Variants in PARD3B observed in about 807,000 individuals in gnomAD.
The protein encoded by PARD3B is partitioning defective 3 homolog B.
PARD3B carries 103 observed loss-of-function variants against 130.2 expected under a neutral mutation model. The observed-to-expected ratio is 0.79, with a 90% CI of 0.67 to 0.93. The LOEUF is 0.93. PARD3B is among the 40% of genes least tolerant of loss of function. The probability of loss-of-function intolerance (pLI) is 0.00; values close to 1 mark genes in which losing one functional copy is unlikely to be tolerated. For missense variants in PARD3B, 1,609 were observed against 1,499.2 expected, an observed-to-expected ratio of 1.07 and a Z score of -1.21; for synonymous variants, 583 against 553.2, an observed-to-expected ratio of 1.05 and a Z score of -0.76.
chr2:205,295,345 G>A (rs2041750597), intron 16 of PARD3B, among the ~76,000 whole-genome samples: 1 of 152,140 alleles, frequency 6.6e-6, no homozygotes, highest in Non-Finnish European at 1.5e-5. Flanking sequence ...CAAGTTCTCA[G>A]CCTTCCCAGG....
At chr2:204,730,049 G>A (rs544962359) in intron 2 of PARD3B, among the ~76,000 whole-genome samples, 9 of 146,696 alleles carry the variant, frequency 6.1e-5, no homozygotes, top group Non-Finnish European at 1.3e-4. Flanking sequence ...ACTATTCCTT[G>A]GGTTTTGCAT....
chr2:205,054,432 A>ATG (rs1276333044), intron 4 of PARD3B, among the ~76,000 whole-genome samples: 1 of 30,976 alleles, frequency 3.2e-5, no homozygotes, highest in Non-Finnish European at 5.3e-5. Context: ...ATATATATAT[A>ATG]TATATTTTTT....
At chr2:204,607,394 GA>G (rs1172666738) in intron 1 of PARD3B, among the ~76,000 whole-genome samples, 1 of 152,088 alleles carries the variant, frequency 6.6e-6, no homozygotes, top group Non-Finnish European at 1.5e-5. Flanking sequence ...GCTACTATGG[GA>G]ATAGCTATTA....
intron 10 of PARD3B, among the ~76,000 whole-genome samples, chr2:205,137,735 G>A (rs2032607385): frequency 6.6e-6 from 1 of 152,146 alleles, no homozygotes; most frequent in Non-Finnish European, 1.5e-5. Flanking sequence ...TCTGTCAGTT[G>A]GTACTCTAAT....
At chr2:205,533,845 G>A (rs962044536) in intron 21 of PARD3B, among the ~76,000 whole-genome samples, 8 of 151,900 alleles carry the variant, frequency 5.3e-5, no homozygotes, top group African/African-American at 1.7e-4. Flanking sequence ...CTTCCACCTC[G>A]GCCTCCCAAG....
At chr2:205,266,550 G>T (rs1033222875) in intron 16 of PARD3B, among the ~76,000 whole-genome samples, 5 of 152,170 alleles carry the variant, frequency 3.3e-5, no homozygotes, top group African/African-American at 1.2e-4. Flanking sequence ...AAAATACTTA[G>T]CTTAGTGCCT....
intron 18 of PARD3B, among the ~76,000 whole-genome samples, chr2:205,373,979 A>G (rs529797516): frequency 1.3e-5 from 2 of 152,234 alleles, no homozygotes; most frequent in South Asian, 2.1e-4. Flanking sequence ...TAAACTTTCC[A>G]TATTTACTTA....
At chr2:205,483,955 C>G (rs567716342) in intron 20 of PARD3B, among the ~76,000 whole-genome samples, 1 of 152,094 alleles carries the variant, frequency 6.6e-6, no homozygotes, top group Non-Finnish European at 1.5e-5. Flanking sequence ...CATAACACAA[C>G]GCCATTCCAC....
At chr2:204,727,034 G>C (rs941016926) in intron 2 of PARD3B, among the ~76,000 whole-genome samples, 1 of 152,076 alleles carries the variant, frequency 6.6e-6, no homozygotes, top group Non-Finnish European at 1.5e-5. Flanking sequence ...TCACATTTCT[G>C]ACCTTTGATT....
At chr2:205,075,436 T>C (rs1481051668) in intron 4 of PARD3B, among the ~76,000 whole-genome samples, 2 of 151,968 alleles carry the variant, frequency 1.3e-5, no homozygotes. Context: ...ATATAGAAAG[T>C]ACAACTTAGC....
chr2:204,783,685 A>G (rs900962332), intron 2 of PARD3B, among the ~76,000 whole-genome samples: 6 of 152,128 alleles, frequency 3.9e-5, no homozygotes, highest in Non-Finnish European at 7.4e-5. Flanking sequence ...CTACTTTACA[A>G]AGGAGGAAAC....
chr2:205,448,766 A>G (rs1193836481), intron 20 of PARD3B, among the ~76,000 whole-genome samples: 3 of 152,166 alleles, frequency 2.0e-5, no homozygotes, highest in Non-Finnish European at 2.9e-5. Context: ...CTAGTCTGCT[A>G]TTATCTAGTC....
Position 205,281,034 on chromosome 2 carries a change from A to G in PARD3B, c.2186-19496A>G, listed in dbSNP as rs992493675. Among the ~76,000 whole-genome samples the G allele has an allele frequency of 1.1e-4, 16 of 152,164 alleles. No individual in the cohort carries two copies. The highest frequency in any genetic ancestry group is 1.5e-4 in the Non-Finnish European group (10 of 68,024). On this transcript the variant is annotated intron_variant, in intron 16 of 22. Transcript: ENST00000406610. This position sits in a 1 kb window ranked among gnomAD's most constrained non-coding sequence, Gnocchi z 4.2. ...GCTGAAACACTGTGAAAGCCTTTTT[A>G]TTAGTCGAGCTCTGCCATTTTCGAT...
intron 1 of PARD3B, among the ~76,000 whole-genome samples, chr2:204,648,400 G>A (rs1193672965): frequency 6.7e-6 from 1 of 150,040 alleles, no homozygotes; most frequent in Non-Finnish European, 1.5e-5. Context: ...CATTTCAGTT[G>A]TTTCCAGTTT....
chr2:205,490,307 C>A (rs558784376), intron 20 of PARD3B, among the ~76,000 whole-genome samples: 1 of 151,506 alleles, frequency 6.6e-6, no homozygotes, highest in Non-Finnish European at 1.5e-5. Context: ...TGTTCCCCTT[C>A]CTGTGTCCAT....
chr2:205,017,277 G>T (rs1696221000), intron 3 of PARD3B, among the ~76,000 whole-genome samples: 1 of 152,092 alleles, frequency 6.6e-6, no homozygotes, highest in Non-Finnish European at 1.5e-5. Flanking sequence ...GAACATAGTA[G>T]TTACTGTTGC....
intron 1 of PARD3B, among the ~76,000 whole-genome samples, chr2:204,581,283 A>C (rs2032540713): frequency 1.3e-5 from 2 of 152,170 alleles, no homozygotes; most frequent in Non-Finnish European, 2.9e-5. Flanking sequence ...AATTCTCCTA[A>C]AAGGGGTTTT....
chr2:204,695,230 C>A (rs149526263), intron 2 of PARD3B, among the ~76,000 whole-genome samples: 1 of 151,908 alleles, frequency 6.6e-6, no homozygotes, highest in African/African-American at 2.4e-5. Context: ...ATAGGCATAT[C>A]TTTGGCCTAG....
At chr2:204,679,051 AG>A (rs2036697624) in intron 1 of PARD3B, among the ~76,000 whole-genome samples, 1 of 152,206 alleles carries the variant, frequency 6.6e-6, no homozygotes, top group Non-Finnish European at 1.5e-5. Context: ...ATCATACAAA[AG>A]GTGCTTGTTT....
Sources: gnomAD v4.1 joint callset for allele counts (sites outside exome capture counted in the v4.1 genomes callset) on GRCh38, gnomAD v4.1.1 for gene constraint, Gnocchi (gnomAD v3.1) non-coding constraint, MANE v1.5 for transcripts, NCBI Gene and HGNC (gene_info 2026-07-23, HGNC 2026-07-21) for gene names.